ACOT11: variants seen among roughly 807,000 people sequenced by gnomAD.
ACOT11 encodes acyl-coenzyme A thioesterase 11.
In ACOT11, 69 loss-of-function variants were observed where a neutral mutation model predicts 77.5. The ratio of observed to expected loss-of-function variants is 0.89; its 90% CI spans 0.73 to 1.09. The LOEUF (loss-of-function observed/expected upper bound fraction) is 1.09. Ranked by LOEUF, ACOT11 falls within the 50% of genes least tolerant of loss-of-function variation. ACOT11 has a pLI of 0.00. For synonymous variants in ACOT11, 279 were observed against 313.0 expected, an observed-to-expected ratio of 0.89 and a Z score of 1.15; for missense variants, 766 against 813.7, an observed-to-expected ratio of 0.94 and a Z score of 0.71.
At chr1:54,550,151 T>C (rs760570645) in intron 1 of ACOT11, among the ~76,000 whole-genome samples, 6 of 152,206 alleles carry the variant, frequency 3.9e-5, no homozygotes, top group East Asian at 1.9e-4. Flanking sequence ...ACCCAGCAGT[T>C]TGGCCCCAGA....
At chr1:54,587,632 G>T (rs988154144) in intron 3 of ACOT11, among the ~76,000 whole-genome samples, 3 of 122,802 alleles carry the variant, frequency 2.4e-5, no homozygotes, top group Non-Finnish European at 4.8e-5. Flanking sequence ...GATGATCTTG[G>T]CTCACTGCAA....
At chr1:54,579,647 T>C (rs1654234350) in intron 1 of ACOT11, among the ~76,000 whole-genome samples, 1 of 152,206 alleles carries the variant, frequency 6.6e-6, no homozygotes, top group Non-Finnish European at 1.5e-5. Context: ...GGGCCTTTCA[T>C]GGGGCCTGGC....
chr1:54,581,790 T>C (rs1416310094), intron 1 of ACOT11, among the ~76,000 whole-genome samples: 1 of 152,172 alleles, frequency 6.6e-6, no homozygotes, highest in Admixed American at 6.5e-5. Flanking sequence ...TGACTGGCCC[T>C]GGGAGGAGTG....
chr1:54,612,208 C>T (rs1289790608), downstream of ACOT11, among the ~76,000 whole-genome samples: 2 of 151,644 alleles, frequency 1.3e-5, no homozygotes, highest in African/African-American at 2.4e-5. Context: ...ACAGCGGGCT[C>T]CTATTGGAGG....
chr1:54,610,970 A>T, downstream of ACOT11: 1 of 985,426 alleles, frequency 1.0e-6, no homozygotes, highest in Non-Finnish European at 1.2e-6. Context: ...GGCCTCTGAA[A>T]CATTAGAGTA....
intron 16 of ACOT11, among the ~76,000 whole-genome samples, chr1:54,634,120 C>A (rs1644317190): frequency 6.6e-6 from 1 of 152,184 alleles, no homozygotes; most frequent in East Asian, 1.9e-4. Flanking sequence ...AAATTACTGT[C>A]CCTCTCACAA....
intron 1 of ACOT11, among the ~76,000 whole-genome samples, chr1:54,578,025 C>G (rs1019244403): frequency 3.9e-5 from 6 of 152,226 alleles, no homozygotes; most frequent in African/African-American, 1.4e-4. Flanking sequence ...ATGCTTCCCC[C>G]TACCCAGGCT....
intron 1 of ACOT11, among the ~76,000 whole-genome samples, chr1:54,563,795 C>T (rs537337810): frequency 6.6e-6 from 1 of 152,260 alleles, no homozygotes; most frequent in South Asian, 2.1e-4. Flanking sequence ...TGCCGTGGCT[C>T]ATGCCTGTAA....
Position 54,634,349 on chromosome 1 carries a change from G to A in ACOT11, c.1783-339G>A, listed in dbSNP as rs377514298. ...TAGTAATGGTAAAGCTTCTTATTCT[G>A]GCTCAAAAAGTAAAGTTTTTCAGAC... is the stretch of plus-strand genomic sequence containing the variant. On this transcript the variant is annotated intron_variant, in intron 16 of 16. Coordinates refer to the ACOT11 transcript ENST00000371316. Among the ~76,000 whole-genome samples, 7 of 152,150 alleles carry A rather than the reference G, an allele frequency of 4.6e-5. No homozygotes were observed. The East Asian group carries it at 1.3e-3, about 29-fold the overall frequency.
chr1:54,607,811 A>T lies in ACOT11; in HGVS notation c.1503-131A>T, dbSNP rs1644046956. Reference sequence around the variant, plus strand: ...CCCCGCATTGGGGCTTTAAGAGTCGATGTGCCTTGCATCCCCCTGGTGAGG... The same window carrying T: ...CCCCGCATTGGGGCTTTAAGAGTCGTTGTGCCTTGCATCCCCCTGGTGAGG... On this transcript the variant is annotated intron_variant, in intron 14 of 15. Transcript: ENST00000343744. This position sits in a 1 kb window ranked among gnomAD's most constrained non-coding sequence, Gnocchi z 4.5. 7.9e-7 allele frequency: 1 copy of T among 1,258,730 alleles called. No individual in the cohort carries two copies. The highest frequency in any genetic ancestry group is 2.4e-5 in the East Asian group (1 of 41,956). 78.0% of individuals were successfully genotyped at this position (1,258,730 alleles called of 1,614,324 possible).
At chr1:54,631,048 G>A (rs189772792) in intron 16 of ACOT11, among the ~76,000 whole-genome samples, 1 of 152,208 alleles carries the variant, frequency 6.6e-6, no homozygotes, top group African/African-American at 2.4e-5. Context: ...GCCAGCTGAA[G>A]CTAAAGCGGC....
At chr1:54,610,827 C>T (rs1644109988), downstream of ACOT11, 2 of 985,288 alleles carry the variant, frequency 2.0e-6, no homozygotes, top group Non-Finnish European at 1.2e-6. Flanking sequence ...GCTTAGGTGG[C>T]TCCCATGGCA....
chr1:54,583,730 G>C (rs529618291), intron 1 of ACOT11, among the ~76,000 whole-genome samples: 105 of 152,354 alleles, frequency 6.9e-4, no homozygotes, highest in Admixed American at 1.3e-3. Flanking sequence ...GTAAAATTAT[G>C]TGACACCTAA....
intron 1 of ACOT11, among the ~76,000 whole-genome samples, chr1:54,575,104 G>A (rs1334367720): frequency 6.8e-6 from 1 of 146,806 alleles, no homozygotes; most frequent in Admixed American, 6.6e-5. Context: ...ACCCATACAA[G>A]CAAGCAGGTG....
chr1:54,618,129 C>T (rs1388667490), intron 15 of ACOT11, among the ~76,000 whole-genome samples: 1 of 152,146 alleles, frequency 6.6e-6, no homozygotes, highest in Non-Finnish European at 1.5e-5. Context: ...TCCTCCCCAT[C>T]TCTGGGCTGT....
At chr1:54,623,548 G>C in intron 15 of ACOT11, 1 of 657,804 alleles carries the variant, frequency 1.5e-6, no homozygotes, top group South Asian at 1.8e-5. Context: ...TATCCCCTCT[G>C]GAGATAACCC....
At chr1:54,629,584 C>A (rs2101032738) in intron 15 of ACOT11, among the ~76,000 whole-genome samples, 1 of 133,770 alleles carries the variant, frequency 7.5e-6, no homozygotes, top group African/African-American at 2.5e-5. Context: ...CCGTGCCCGG[C>A]CTGTTTTTTG....
rs184248554 is a variant in ACOT11 at position 54,604,826 on chromosome 1, T to C, written c.1237-250T>C. On this transcript the variant is annotated intron_variant, in intron 12 of 15. Transcript: ENST00000343744. Reference sequence around the variant, plus strand: ...ACTTCCTGCCTGTGCCACTGGGGCTTGGATGGGCACCTGGCTGACAGGAAC... The same window carrying C: ...ACTTCCTGCCTGTGCCACTGGGGCTCGGATGGGCACCTGGCTGACAGGAAC... Among the ~76,000 whole-genome samples the C allele has an allele frequency of 5.2e-3, 797 of 152,318 alleles. 4 individuals carry two copies. Among genetic ancestry groups the C allele is most frequent in the African/African-American group, 0.018 (760 of 41,568 alleles).
intron 15 of ACOT11, among the ~76,000 whole-genome samples, chr1:54,618,581 G>A (rs907273822): frequency 6.6e-6 from 1 of 152,108 alleles, no homozygotes; most frequent in Admixed American, 6.6e-5. Flanking sequence ...CCTGGGGGCT[G>A]ACTTGCTTGG....
Sources: gnomAD v4.1 joint callset for allele counts (sites outside exome capture counted in the v4.1 genomes callset) on GRCh38, gnomAD v4.1.1 for gene constraint, Gnocchi (gnomAD v3.1) non-coding constraint, MANE v1.5 for transcripts, NCBI Gene and HGNC (gene_info 2026-07-23, HGNC 2026-07-21) for gene names.